Variants in ZSCAN12 observed in about 807,000 individuals in gnomAD.
ZSCAN12 encodes the protein zinc finger and SCAN domain containing 12.
In ZSCAN12, 18 loss-of-function variants were observed where a neutral mutation model predicts 23.4. The observed-to-expected ratio is 0.77, with a 90% CI of 0.53 to 1.14. The LOEUF is 1.14. Among genes scored for constraint, ZSCAN12 ranks in the 50% most tolerant of loss-of-function variants. ZSCAN12 has a pLI of 0.00. For missense variants in ZSCAN12, 650 were observed against 735.0 expected, an observed-to-expected ratio of 0.88 and a Z score of 1.34; for synonymous variants, 186 against 253.4, an observed-to-expected ratio of 0.73 and a Z score of 2.53.
At chr6:28,396,401 G>T (rs147578240) in intron 2 of ZSCAN12, among the ~76,000 whole-genome samples, 1 of 152,076 alleles carries the variant, frequency 6.6e-6, no homozygotes, top group African/African-American at 2.4e-5. Context: ...ACTTTGTTAG[G>T]AGTGTCTCCA....
intron 2 of ZSCAN12, among the ~76,000 whole-genome samples, chr6:28,393,800 G>A (rs556390058): frequency 1.1e-4 from 16 of 151,178 alleles, no homozygotes; most frequent in Non-Finnish European, 2.2e-4. Flanking sequence ...AAGAAGGGAA[G>A]GAGAGAAATC....
At position 28,389,974 on chromosome 6, in the gene ZSCAN12, T is replaced by C. The variant is rs1436145262; in HGVS notation, c.*480A>G. On this transcript the variant is annotated 3_prime_UTR_variant, in exon 4 of 4. Transcript: ENST00000684592. ...CTTTTACTTCAGGTTGGCTAGTCTT[T>C]TCCCTGATGCTTCCAAACCACATGC... 6.6e-5 allele frequency among the ~76,000 whole-genome samples: 10 copies of C among 152,214 alleles called. No individual in the cohort carries two copies. The highest frequency in any genetic ancestry group is 1.5e-4 in the Non-Finnish European group (10 of 68,028).
rs1760648790 is a variant in ZSCAN12 at position 28,388,335 on chromosome 6, A to G, written c.*2119T>C. Among the ~76,000 whole-genome samples, 1 of 152,004 alleles carries G rather than the reference A, an allele frequency of 6.6e-6. No individual in the cohort carries two copies. The highest frequency in any genetic ancestry group is 2.1e-4 in the South Asian group (1 of 4,824). ...CTCAAGAAGGTTTTTCCACACAGAAAGTCATGTAAGTTCCAATCCCAGAAG... is the reference window on the plus strand; with the variant it reads ...CTCAAGAAGGTTTTTCCACACAGAAGGTCATGTAAGTTCCAATCCCAGAAG... On this transcript the variant is annotated 3_prime_UTR_variant, in exon 4 of 4. Coordinates refer to ENST00000684592, the MANE Select transcript of ZSCAN12 (RefSeq NM_001163391.2).
intron 2 of ZSCAN12, among the ~76,000 whole-genome samples, chr6:28,395,021 G>A (rs1430282610): frequency 1.3e-5 from 2 of 151,812 alleles, no homozygotes; most frequent in African/African-American, 2.4e-5. Flanking sequence ...TGCAACTTCC[G>A]ACTCCTGGGT....
chr6:28,382,626 CA>C (rs950685813), downstream of ZSCAN12: 1 of 1,549,886 alleles, frequency 6.5e-7, no homozygotes, highest in Admixed American at 2.0e-5. Flanking sequence ...CATAAAATAA[CA>C]ATGTTAACAG....
chr6:28,381,922 G>A (rs932357731), downstream of ZSCAN12: 1 of 152,162 alleles, frequency 6.6e-6, no homozygotes, highest in Admixed American at 6.5e-5. Flanking sequence ...TATAGAAAGA[G>A]GAGGTCCCAG....
At chr6:28,399,373 A>G (rs900298395) in intron 1 of ZSCAN12, among the ~76,000 whole-genome samples, 2 of 152,192 alleles carry the variant, frequency 1.3e-5, no homozygotes, top group African/African-American at 4.8e-5. Flanking sequence ...GTGACCCACC[A>G]CTGTCCAGAA....
In ZSCAN12 at chr6:28,391,776, C is replaced by T. The variant is rs777512493; in HGVS notation, c.548-34G>A. The T allele has an allele frequency of 7.0e-7, 1 of 1,431,378 alleles. No individual in the cohort carries two copies. Among genetic ancestry groups the T allele is most frequent in the South Asian group, 1.5e-5 (1 of 68,866 alleles). 88.7% of individuals were successfully genotyped at this position (1,431,378 alleles called of 1,614,324 possible). A position where few individuals can be genotyped will look rare whatever the true frequency, so the allele number is the denominator to read the frequency against. On this transcript the variant is annotated intron_variant, in intron 3 of 3. Coordinates refer to ENST00000684592, the MANE Select transcript of ZSCAN12 (RefSeq NM_001163391.2). This position sits in a 1 kb window ranked among gnomAD's most constrained non-coding sequence, Gnocchi z 4.1. Reference sequence around the variant, plus strand: ...GGATCATAAATGTTACCTCTTTCTACCTTTAAAATGTATCCATACATTTTA... The same window carrying T: ...GGATCATAAATGTTACCTCTTTCTATCTTTAAAATGTATCCATACATTTTA...
At position 28,391,832 on chromosome 6, in the gene ZSCAN12, G is replaced by A. The variant is rs887189398; in HGVS notation, c.548-90C>T. The A allele has an allele frequency of 9.0e-7, 1 of 1,108,782 alleles. No individual in the cohort carries two copies. The highest frequency in any genetic ancestry group is 3.1e-5 in the Admixed American group (1 of 32,398). The allele number at this position is 1,108,782 out of a possible 1,614,324, so 68.7% of individuals were successfully genotyped here. On this transcript the variant is annotated intron_variant, in intron 3 of 3. Transcript: ENST00000684592. The surrounding 1 kb of genome is among the most constrained non-coding windows in gnomAD (Gnocchi z 4.1). ...AAGCAGCTGTTTAGAAATAAAAAATGCAAGAGTCTACCATCTTAGTGATAA... is the reference window on the plus strand; with the variant it reads ...AAGCAGCTGTTTAGAAATAAAAAATACAAGAGTCTACCATCTTAGTGATAA...
In ZSCAN12 at chr6:28,385,449, A is replaced by AT. The variant is rs1230350412; in HGVS notation, c.*5004dup. Among the ~76,000 whole-genome samples the AT allele has an allele frequency of 6.6e-6, 1 of 152,182 alleles. No homozygotes were observed. Among genetic ancestry groups the AT allele is most frequent in the Non-Finnish European group, 1.5e-5 (1 of 68,028 alleles). On this transcript the variant is annotated 3_prime_UTR_variant, in exon 4 of 4. Coordinates refer to ENST00000684592, the MANE Select transcript of ZSCAN12 (RefSeq NM_001163391.2). ...TTTGGACTCCAGGACTTTCTGAATC[A>AT]TTTTTCAGAATAATGACTGGAGATA...
intron 2 of ZSCAN12, among the ~76,000 whole-genome samples, chr6:28,396,166 C>A (rs953433811): frequency 6.6e-6 from 1 of 151,792 alleles, no homozygotes; most frequent in Non-Finnish European, 1.5e-5. Flanking sequence ...ACTACACACA[C>A]CTGCCTGGCT....
At chr6:28,392,827 G>A (rs1760917012) in intron 3 of ZSCAN12, 75 bp downstream of exon 3, 1 of 1,478,338 alleles carries the variant, frequency 6.8e-7, no homozygotes, top group Non-Finnish European at 9.1e-7. Flanking sequence ...AGAAACAGTA[G>A]CAAGTACAAA....
In ZSCAN12 at chr6:28,389,168, A is replaced by G. The variant is rs1285607527; in HGVS notation, c.*1286T>C. Among the ~76,000 whole-genome samples the G allele has an allele frequency of 1.3e-5, 2 of 152,330 alleles. No homozygotes were observed. The highest frequency in any genetic ancestry group is 3.9e-4 in the East Asian group (2 of 5,194). On this transcript the variant is annotated 3_prime_UTR_variant, in exon 4 of 4. Coordinates refer to ENST00000684592, the MANE Select transcript of ZSCAN12 (RefSeq NM_001163391.2). Reference sequence around the variant, plus strand: ...TAACATGAGATCTGAGAAATAAAAGAAGGTAAAGCATAAAACAGAGAAGAG... The same window carrying G: ...TAACATGAGATCTGAGAAATAAAAGGAGGTAAAGCATAAAACAGAGAAGAG...
At chr6:28,381,473 A>T (rs1340405262), downstream of ZSCAN12, 1 of 152,228 alleles carries the variant, frequency 6.6e-6, no homozygotes, top group African/African-American at 2.4e-5. Flanking sequence ...TCTAAAATGT[A>T]AGAAAGCAAC....
At chr6:28,382,286 C>G, downstream of ZSCAN12, 1 of 666,372 alleles carries the variant, frequency 1.5e-6, no homozygotes, top group Non-Finnish European at 2.2e-6. Flanking sequence ...GCAAAGCTTC[C>G]TAAGTCTTCT....
intron 1 of ZSCAN12, 149 bp downstream of exon 1, chr6:28,399,508 T>A (rs917452875): frequency 6.6e-6 from 1 of 152,368 alleles, no homozygotes; most frequent in Admixed American, 6.5e-5. Flanking sequence ...CCAACGCACT[T>A]TGGGGAGGGA....
rs950973823 is a variant in ZSCAN12, at chr6:28,398,270, G to C, written c.136C>G (p.Arg46Gly). 6.2e-7 allele frequency: 1 copy of C among 1,610,946 alleles called. No homozygotes were observed. The highest frequency in any genetic ancestry group is 8.5e-7 in the Non-Finnish European group (1 of 1,178,574). Residue 46 changes from arginine (R) to glycine (G), a missense_variant, in exon 2 of 4, where the codon CGT becomes GGT. Transcript: ENST00000684592. Reference protein sequence around the residue: ...KNNTHSREVFRQYFRQFCYQE... With the variant: ...KNNTHSREVFGQYFRQFCYQE... ...TAGCAGAACTGTCTGAAGTACTGAC[G>C]GAAGACCTCTCTGCTATGGGTGTTG...
Position 28,385,609 on chromosome 6 carries a change from A to C in ZSCAN12, c.*4845T>G, listed in dbSNP as rs190697564. On this transcript the variant is annotated 3_prime_UTR_variant, in exon 4 of 4. Transcript: ENST00000684592. ...TCTGGAACTGGGCTGCTTGGGTTCA[A>C]ATCTTGGCCTGACCACATACTAACT... 1.3e-5 allele frequency among the ~76,000 whole-genome samples: 2 copies of C among 152,318 alleles called. No homozygotes were observed. Among genetic ancestry groups the C allele is most frequent in the African/African-American group, 2.4e-5 (1 of 41,574 alleles).
At position 28,391,610 on chromosome 6, in the gene ZSCAN12, C is replaced by G. The variant is rs1197388087; in HGVS notation, c.680G>C (p.Arg227Pro). The G allele has an allele frequency of 6.4e-7, 1 of 1,552,260 alleles. No homozygotes were observed. Among genetic ancestry groups the G allele is most frequent in the Non-Finnish European group, 8.7e-7 (1 of 1,147,128 alleles). ...MSKSARCGET[R>P]EPEEITEEPS... is the part of the protein sequence containing the mutation. The stretch of plus-strand genomic sequence containing the variant: ...CTCTTCTGTTATTTCTTCAGGTTCA[C>G]GAGTTTCTCCACACCTAGCAGACTT... The change falls in exon 4 of 4, where the codon CGT becomes CCT. Residue 227 changes from arginine (R) to proline (P), a missense_variant. Transcript: ENST00000684592. This position sits in a 1 kb window ranked among gnomAD's most constrained non-coding sequence, Gnocchi z 4.1.
Sources: gnomAD v4.1 joint callset for allele counts (sites outside exome capture counted in the v4.1 genomes callset) on GRCh38, gnomAD v4.1.1 for gene constraint, Gnocchi (gnomAD v3.1) non-coding constraint, MANE v1.5 for transcripts, NCBI Gene and HGNC (gene_info 2026-07-23, HGNC 2026-07-21) for gene names.